Variants in PRDM6 observed in about 807,000 individuals in gnomAD.
PRDM6 encodes the protein PR/SET domain 6.
In PRDM6, 25 loss-of-function variants were observed where a neutral mutation model predicts 60.8. That is an observed-to-expected ratio of 0.41 (90% CI 0.30 to 0.57). The LOEUF (loss-of-function observed/expected upper bound fraction) is 0.57, where lower values mean the gene tolerates loss of function less well. Among genes scored for constraint, PRDM6 ranks in the 20% least tolerant of loss-of-function variants. The probability of loss-of-function intolerance (pLI) is 0.27; values close to 1 mark genes in which losing one functional copy is unlikely to be tolerated. For synonymous variants in PRDM6, 407 were observed against 357.4 expected (o/e 1.14, Z -1.57); for missense variants, 839 against 821.3 (o/e 1.02, Z -0.26).
chr5:123,145,755 C>G (rs1168294311), intron 3 of PRDM6, among the ~76,000 whole-genome samples: 2 of 152,204 alleles, frequency 1.3e-5, no homozygotes, highest in Non-Finnish European at 2.9e-5. Flanking sequence ...CTGTCCTTGA[C>G]AGACGGCCAC....
chr5:123,120,856 A>G (rs1470362262), intron 3 of PRDM6, among the ~76,000 whole-genome samples: 2 of 152,212 alleles, frequency 1.3e-5, no homozygotes, highest in African/African-American at 4.8e-5. Context: ...TGGACATGTT[A>G]GTTAATCTTT....
rs981105577 is a variant in PRDM6 at position 123,099,817 on chromosome 5, C to A, written c.756C>A (p.Thr252=). ...RDLPREVCLC[T]STVPGLAYGI... ...TGCCTCGCGAGGTGTGCCTCTGCAC[C>A]AGTACTGTGCCCGGCCTGGCCTACG... The change falls in exon 3 of 8, where the codon ACC becomes ACA. Residue 252 remains threonine, a synonymous_variant. Transcript: ENST00000407847. The surrounding 1 kb of genome is among the most constrained non-coding windows in gnomAD (Gnocchi z 4.0). The A allele has an allele frequency of 6.5e-7, 1 of 1,550,250 alleles. No homozygotes were observed. Among genetic ancestry groups the A allele is most frequent in the Non-Finnish European group, 8.7e-7 (1 of 1,146,810 alleles).
chr5:123,170,301 C>T (rs1765856227), intron 5 of PRDM6, among the ~76,000 whole-genome samples: 1 of 152,200 alleles, frequency 6.6e-6, no homozygotes, highest in African/African-American at 2.4e-5. Flanking sequence ...TTCCTGGATA[C>T]CTATCCTGTG....
At chr5:123,100,323 G>A (rs369134084) in intron 3 of PRDM6, among the ~76,000 whole-genome samples, 61 of 152,336 alleles carry the variant, frequency 4.0e-4, no homozygotes, top group African/African-American at 1.3e-3. Context: ...ATGGAGCAGC[G>A]GAGGGTGGGC....
At chr5:123,100,009 C>G (rs1420866208) in intron 3 of PRDM6, 48 bp downstream of exon 3, 59 of 1,445,696 alleles carry the variant, frequency 4.1e-5, no homozygotes, top group Non-Finnish European at 2.8e-5. Context: ...GGAGCCTTGG[C>G]CAGCAGGGAG....
chr5:123,135,145 A>G (rs1764926838), intron 3 of PRDM6, among the ~76,000 whole-genome samples: 1 of 152,222 alleles, frequency 6.6e-6, no homozygotes. Flanking sequence ...ATAGGCCGGA[A>G]ACTGTGGTGA....
chr5:123,188,474 A>G lies in PRDM6; in HGVS notation c.*1273A>G, dbSNP rs1029603592. The G allele has an allele frequency of 6.6e-6, 1 of 152,234 alleles. No homozygotes were observed. The highest frequency in any genetic ancestry group is 1.5e-5 in the Non-Finnish European group (1 of 68,038). 9.4% of individuals were successfully genotyped at this position (152,234 alleles called of 1,614,324 possible). A position where few individuals can be genotyped will look rare whatever the true frequency, so the allele number is the denominator to read the frequency against. ...GTTGGTGGTTCAACAGTGGTGCTCAATGAAATTGGGTCACATTTAATGAAA... is the reference window on the plus strand; with the variant it reads ...GTTGGTGGTTCAACAGTGGTGCTCAGTGAAATTGGGTCACATTTAATGAAA... On this transcript the variant is annotated 3_prime_UTR_variant, in exon 8 of 8. Transcript: ENST00000407847.
At chr5:123,167,111 T>A (rs188546402) in intron 5 of PRDM6, among the ~76,000 whole-genome samples, 6 of 152,336 alleles carry the variant, frequency 3.9e-5, no homozygotes, top group Admixed American at 2.6e-4. Context: ...CTTGTGTGTC[T>A]CCTAAAAGTG....
chr5:123,116,655 A>G (rs1421526709), intron 3 of PRDM6, among the ~76,000 whole-genome samples: 1 of 152,206 alleles, frequency 6.6e-6, no homozygotes, highest in Non-Finnish European at 1.5e-5. Flanking sequence ...TTTTTCTGTT[A>G]CAAGACAATT....
chr5:123,143,147 AAGTGTGTGTGTGTGTG>A, intron 3 of PRDM6, among the ~76,000 whole-genome samples: 1 of 93,986 alleles, frequency 1.1e-5, no homozygotes, highest in Non-Finnish European at 2.4e-5. Context: ...GTAGTTTTTA[AAGTGTGTGTGTGTGTG>A]TGTGTGTGTG....
In PRDM6 at chr5:123,090,168, C is replaced by T; in HGVS notation, c.154C>T (p.Pro52Ser). Residue 52 changes from proline to serine, a missense_variant, in exon 2 of 8, where the codon CCG becomes TCG. This residue lies in a region of PRDM6 where 730 missense variants were observed against 648.8 expected (regional missense o/e 1.13). Transcript: ENST00000407847. ...GLLSAPQPLQ[P>S]PPPPPPPERA... ...CCTGAGCGCGCCGCAGCCTCTTCAGCCGCCGCCGCCGCCCCCGCCCCCGGA... is the reference window on the plus strand; with the variant it reads ...CCTGAGCGCGCCGCAGCCTCTTCAGTCGCCGCCGCCGCCCCCGCCCCCGGA... 2 of 1,420,140 alleles carry T rather than the reference C, an allele frequency of 1.4e-6. No homozygotes were observed. Among genetic ancestry groups the T allele is most frequent in the East Asian group, 2.9e-5 (1 of 34,084 alleles). The allele number at this position is 1,420,140 out of a possible 1,614,324, so 88.0% of individuals were successfully genotyped here.
chr5:123,090,134 C>CGCGGGTCTCCTGA lies in PRDM6; in HGVS notation c.124_136dup (p.Ala46GlyfsTer22), dbSNP rs1347230316. 6.5e-7 allele frequency: 1 copy of CGCGGGTCTCCTGA among 1,537,882 alleles called. No homozygotes were observed. Among genetic ancestry groups the CGCGGGTCTCCTGA allele is most frequent in the Non-Finnish European group, 8.8e-7 (1 of 1,142,074 alleles). ...CAGGCCCGCTCAAGGGCAGCGGCGCCGCGGGTCTCCTGAGCGCGCCGCAGC... is the reference window on the plus strand; with the variant it reads ...CAGGCCCGCTCAAGGGCAGCGGCGCCGCGGGTCTCCTGAGCGGGTCTCCTGAGCGCGCCGCAGC... On this transcript the variant is annotated frameshift_variant, in exon 2 of 8. Transcript: ENST00000407847. LOFTEE classifies it high-confidence loss of function.
chr5:123,141,544 GTTAT>G (rs1200152799), intron 3 of PRDM6, among the ~76,000 whole-genome samples: 4 of 152,140 alleles, frequency 2.6e-5, no homozygotes, highest in Admixed American at 1.3e-4. Context: ...ACTCTATAGA[GTTAT>G]TATTCTCTTC....
At chr5:123,108,782 A>G (rs1482855930) in intron 3 of PRDM6, among the ~76,000 whole-genome samples, 4 of 152,126 alleles carry the variant, frequency 2.6e-5, no homozygotes, top group African/African-American at 9.7e-5. Flanking sequence ...GGTTTTCATA[A>G]TGGGTTTTTG....
intron 3 of PRDM6, among the ~76,000 whole-genome samples, chr5:123,110,699 T>TG (rs781622020): frequency 2.1e-4 from 32 of 151,632 alleles, no homozygotes; most frequent in Non-Finnish European, 4.4e-5. Flanking sequence ...CCTGAGTAGC[T>TG]GGGATTACAG....
chr5:123,116,685 AC>A (rs1764457370), intron 3 of PRDM6, among the ~76,000 whole-genome samples: 1 of 152,112 alleles, frequency 6.6e-6, no homozygotes, highest in Non-Finnish European at 1.5e-5. Flanking sequence ...CCAGTTGAAA[AC>A]CTTTTCCAAG....
At chr5:123,120,151 C>G (rs1001789319) in intron 3 of PRDM6, among the ~76,000 whole-genome samples, 2 of 152,052 alleles carry the variant, frequency 1.3e-5, no homozygotes, top group African/African-American at 4.8e-5. Context: ...TAAAGTGGGT[C>G]TTAGAAAGCC....
chr5:123,193,727 A>G lies in PRDM6; in HGVS notation c.*6526A>G, dbSNP rs1766473555. The G allele has an allele frequency of 1.3e-5, 2 of 152,226 alleles. No individual in the cohort carries two copies. Among genetic ancestry groups the G allele is most frequent in the South Asian group, 4.1e-4 (2 of 4,826 alleles). The allele number at this position is 152,226 out of a possible 1,614,324, so 9.4% of individuals were successfully genotyped here. ...TTATTTTTTTTATATCAAGGGGAAG[A>G]CATCCAGTTCTGTAGGATGCTAATA... is the stretch of plus-strand genomic sequence containing the variant. On this transcript the variant is annotated 3_prime_UTR_variant, in exon 8 of 8. Coordinates refer to ENST00000407847, the MANE Select transcript of PRDM6 (RefSeq NM_001136239.4).
chr5:123,193,689 T>C lies in PRDM6; in HGVS notation c.*6488T>C, dbSNP rs1766472472. The C allele has an allele frequency of 6.6e-6, 1 of 152,220 alleles. No homozygotes were observed. Among genetic ancestry groups the C allele is most frequent in the Admixed American group, 6.5e-5 (1 of 15,278 alleles). The allele number at this position is 152,220 out of a possible 1,614,324, so 9.4% of individuals were successfully genotyped here. A position where few individuals can be genotyped will look rare whatever the true frequency, so the allele number is the denominator to read the frequency against. ...CAGCAAAATTATTTTGGAAACTTAATGTCCCAAGTTAATTATTTTTTTTAT... is the reference window on the plus strand; with the variant it reads ...CAGCAAAATTATTTTGGAAACTTAACGTCCCAAGTTAATTATTTTTTTTAT... On this transcript the variant is annotated 3_prime_UTR_variant, in exon 8 of 8. Coordinates refer to ENST00000407847, the MANE Select transcript of PRDM6 (RefSeq NM_001136239.4).
Sources: gnomAD v4.1 joint callset for allele counts (sites outside exome capture counted in the v4.1 genomes callset) on GRCh38, gnomAD v4.1.1 for gene constraint, gnomAD v4.1.1 regional missense constraint, Gnocchi (gnomAD v3.1) non-coding constraint, MANE v1.5 for transcripts, NCBI Gene and HGNC (gene_info 2026-07-23, HGNC 2026-07-21) for gene names.